The following PDZD2 variants were observed in gnomAD, a reference collection of about 807,000 sequenced individuals.
PDZD2 encodes PDZ domain-containing protein 2.
In PDZD2, 90 loss-of-function variants were observed where a neutral mutation model predicts 220.7. The observed-to-expected ratio is 0.41, with a 90% CI of 0.34 to 0.49. The LOEUF is 0.49. Among genes scored for constraint, PDZD2 ranks in the 20% least tolerant of loss-of-function variants. The probability of loss-of-function intolerance (pLI) is 0.28; values close to 1 mark genes in which losing one functional copy is unlikely to be tolerated. For synonymous variants in PDZD2, 1,375 were observed against 1,450.5 expected (o/e 0.95, Z 1.18); for missense variants, 3,174 against 3,608.5 (o/e 0.88, Z 3.08).
chr5:31,709,034 C>T lies in PDZD2; in HGVS notation c.-361+69597C>T, dbSNP rs754502585. Among the ~76,000 whole-genome samples the T allele has an allele frequency of 5.3e-5, 8 of 151,874 alleles. No individual in the cohort carries two copies. In the East Asian group the frequency reaches 5.8e-4, roughly 11 times the overall value. On this transcript the variant is annotated intron_variant, in intron 1 of 24. Coordinates refer to ENST00000438447, the MANE Select transcript of PDZD2 (RefSeq NM_178140.4). Reference sequence around the variant, plus strand: ...TCCCGAGTAGCTGGGATTACAGGCACGCACCACCACGCCTGGCTAATTTTT... The same window carrying T: ...TCCCGAGTAGCTGGGATTACAGGCATGCACCACCACGCCTGGCTAATTTTT...
At chr5:32,044,834 T>G (rs1259585929) in intron 7 of PDZD2, among the ~76,000 whole-genome samples, 2 of 152,168 alleles carry the variant, frequency 1.3e-5, no homozygotes, top group Admixed American at 6.5e-5. Flanking sequence ...GATCAGCGAA[T>G]AGAGTGGATA....
At chr5:31,961,060 A>C (rs1335553541) in intron 2 of PDZD2, among the ~76,000 whole-genome samples, 4 of 152,202 alleles carry the variant, frequency 2.6e-5, no homozygotes, top group Non-Finnish European at 5.9e-5. Flanking sequence ...TCCTCAGCAC[A>C]AGACTGACCC....
At chr5:31,667,456 G>A (rs1026402630) in intron 1 of PDZD2, among the ~76,000 whole-genome samples, 1 of 152,186 alleles carries the variant, frequency 6.6e-6, no homozygotes, top group Non-Finnish European at 1.5e-5. Flanking sequence ...AAATGAGGCA[G>A]GTTAAGGGAC....
At chr5:31,712,481 T>C (rs886509112) in intron 1 of PDZD2, among the ~76,000 whole-genome samples, 6 of 58,978 alleles carry the variant, frequency 1.0e-4, no homozygotes, top group South Asian at 6.1e-4. Flanking sequence ...TCTCTCTCTC[T>C]CCCCCTCTCT....
At chr5:31,885,885 G>A (rs6450871) in intron 2 of PDZD2, among the ~76,000 whole-genome samples, 135,700 of 152,056 alleles carry the variant, frequency 0.89, 60,770 homozygotes, top group Non-Finnish European at 0.93. Context: ...TTTGTTTTTG[G>A]TTTTTTTGTT....
intron 9 of PDZD2, among the ~76,000 whole-genome samples, chr5:32,053,099 C>A (rs992266326): frequency 6.6e-6 from 1 of 152,202 alleles, no homozygotes; most frequent in African/African-American, 2.4e-5. Flanking sequence ...GCATTCTGTA[C>A]CATAGGTCTC....
chr5:31,845,968 C>A (rs988617506), intron 2 of PDZD2, among the ~76,000 whole-genome samples: 1 of 152,186 alleles, frequency 6.6e-6, no homozygotes, highest in African/African-American at 2.4e-5. Flanking sequence ...GTTCCAGAGG[C>A]ACCACAATCC....
intron 1 of PDZD2, among the ~76,000 whole-genome samples, chr5:31,775,358 T>C (rs186007886): frequency 1.3e-5 from 2 of 151,316 alleles, no homozygotes; most frequent in East Asian, 3.9e-4. Context: ...AAGATTAATG[T>C]GATGCTGCAG....
chr5:31,895,079 G>A (rs564130674), intron 2 of PDZD2, among the ~76,000 whole-genome samples: 42 of 152,176 alleles, frequency 2.8e-4, no homozygotes, highest in Admixed American at 2.5e-3. Context: ...TAGTAGAGAC[G>A]GGATTTCACC....
intron 1 of PDZD2, among the ~76,000 whole-genome samples, chr5:31,733,284 C>G (rs963969229): frequency 1.3e-5 from 2 of 152,148 alleles, no homozygotes; most frequent in Non-Finnish European, 2.9e-5. Flanking sequence ...AACAGAATTT[C>G]AAACCGTATT....
At chr5:31,761,141 T>C (rs1751625462) in intron 1 of PDZD2, among the ~76,000 whole-genome samples, 1 of 152,084 alleles carries the variant, frequency 6.6e-6, no homozygotes, top group African/African-American at 2.4e-5. Flanking sequence ...TAAAGAGTCT[T>C]GAATATCAGG....
chr5:31,701,133 C>A (rs78047584), intron 1 of PDZD2, among the ~76,000 whole-genome samples: 1,915 of 152,310 alleles, frequency 0.013, 47 homozygotes, highest in African/African-American at 0.043. Flanking sequence ...GCGGATCCTC[C>A]ATGAATATTT....
intron 1 of PDZD2, among the ~76,000 whole-genome samples, chr5:31,720,298 T>C (rs940598524): frequency 2.0e-5 from 3 of 152,196 alleles, no homozygotes; most frequent in Admixed American, 1.3e-4. Flanking sequence ...AAATAGAATG[T>C]GGAAAGGCAA....
intron 2 of PDZD2, among the ~76,000 whole-genome samples, chr5:31,977,410 A>G (rs780230529): frequency 6.6e-6 from 1 of 152,082 alleles, no homozygotes; most frequent in Non-Finnish European, 1.5e-5. Flanking sequence ...GCTTTCTGAC[A>G]TCTCCCTGTA....
Position 31,678,655 on chromosome 5 carries a change from G to C in PDZD2, c.-361+39218G>C, listed in dbSNP as rs184503586. Among the ~76,000 whole-genome samples the C allele has an allele frequency of 2.6e-3, 403 of 152,222 alleles. 1 individual carries two copies. Among genetic ancestry groups the C allele is most frequent in the African/African-American group, 9.2e-3 (382 of 41,542 alleles). On this transcript the variant is annotated intron_variant, in intron 1 of 24. Coordinates refer to ENST00000438447, the MANE Select transcript of PDZD2 (RefSeq NM_178140.4). ...TTATGAGACAGGGTTTCTCTCTGTC[G>C]CCCAGGTTGGAGTACAGTGGCACAA...
chr5:31,817,434 A>G (rs1218756232), intron 2 of PDZD2, among the ~76,000 whole-genome samples: 1 of 146,196 alleles, frequency 6.8e-6, no homozygotes, highest in African/African-American at 2.5e-5. Context: ...CAGAGGCTGC[A>G]GTGAGCTGCG....
chr5:31,883,098 G>A (rs1051226199), intron 2 of PDZD2, among the ~76,000 whole-genome samples: 2 of 150,710 alleles, frequency 1.3e-5, no homozygotes, highest in South Asian at 4.2e-4. Context: ...CCTGCTCTCA[G>A]GGAGCTTATA....
At chr5:32,079,278 A>C (rs892862399) in intron 19 of PDZD2, among the ~76,000 whole-genome samples, 1 of 146,170 alleles carries the variant, frequency 6.8e-6, no homozygotes, top group African/African-American at 2.7e-5. Context: ...ACAAAAAAAA[A>C]ACAAAAAAAA....
chr5:31,811,867 G>A (rs927573710), intron 2 of PDZD2, among the ~76,000 whole-genome samples: 8 of 152,030 alleles, frequency 5.3e-5, no homozygotes, highest in African/African-American at 1.9e-4. Context: ...GTGCGTGCCT[G>A]TAATCCCAGC....
Sources: allele counts gnomAD v4.1 joint callset (sites outside exome capture counted in the v4.1 genomes callset), GRCh38; gene constraint gnomAD v4.1.1; transcripts MANE v1.5; gene names NCBI Gene and HGNC (gene_info 2026-07-23, HGNC 2026-07-21).